Variants in LNPK observed in about 807,000 individuals in gnomAD.
LNPK encodes endoplasmic reticulum junction formation protein lunapark.
Under a neutral mutation model 55.2 loss-of-function variants are expected in LNPK, and 29 were observed. That is an observed-to-expected ratio of 0.53 (90% CI 0.39 to 0.72). The LOEUF (loss-of-function observed/expected upper bound fraction) is 0.72. LNPK is among the 30% of genes least tolerant of loss of function. The pLI is 0.00. For synonymous variants in LNPK, 162 were observed against 168.2 expected (o/e 0.96, Z 0.29); for missense variants, 467 against 494.8 (o/e 0.94, Z 0.53).
At chr2:175,953,180 T>C (rs1685504129) in intron 8 of LNPK, among the ~76,000 whole-genome samples, 1 of 152,132 alleles carries the variant, frequency 6.6e-6, no homozygotes, top group Non-Finnish European at 1.5e-5. Flanking sequence ...GATCATTCAT[T>C]CTTTTTCCTG....
At position 175,993,763 on chromosome 2, in the gene LNPK, A is replaced by C. The variant is rs1344270873; in HGVS notation, c.28-540T>G. ...AGCCGAGATCGCACCACTGCACTCC[A>C]GCCTGGGTGACAGAGCAAGACTCCA... On this transcript the variant is annotated intron_variant, in intron 2 of 12. Coordinates refer to ENST00000272748, the MANE Select transcript of LNPK (RefSeq NM_030650.3). Among the ~76,000 whole-genome samples, 8 of 152,236 alleles carry C rather than the reference A, an allele frequency of 5.3e-5. No homozygotes were observed. The South Asian group carries it at 1.5e-3, about 28-fold the overall frequency.
In LNPK at chr2:175,928,324, T is replaced by G. The variant is rs548126520; in HGVS notation, c.*1643A>C. 6.6e-6 allele frequency: 1 copy of G among 152,178 alleles called. No individual in the cohort carries two copies. Among genetic ancestry groups the G allele is most frequent in the African/African-American group, 2.4e-5 (1 of 41,560 alleles). 9.4% of individuals were successfully genotyped at this position (152,178 alleles called of 1,614,324 possible). ...GTGTGCTAGGCACATTACATTATTTTTAATTATCCTAATACCCTTCAAAAA... is the reference window on the plus strand; with the variant it reads ...GTGTGCTAGGCACATTACATTATTTGTAATTATCCTAATACCCTTCAAAAA... On this transcript the variant is annotated 3_prime_UTR_variant, in exon 13 of 13. Transcript: ENST00000272748.
chr2:175,942,465 A>T (rs937878059), intron 9 of LNPK, among the ~76,000 whole-genome samples: 1 of 152,182 alleles, frequency 6.6e-6, no homozygotes, highest in Non-Finnish European at 1.5e-5. Flanking sequence ...ACACATAAGA[A>T]GATTCACGTA....
At chr2:175,954,856 G>C (rs567274471) in intron 8 of LNPK, among the ~76,000 whole-genome samples, 1 of 152,162 alleles carries the variant, frequency 6.6e-6, no homozygotes, top group African/African-American at 2.4e-5. Flanking sequence ...ACATTGAAGG[G>C]GATTCAGAGT....
At chr2:175,935,096 T>C (rs1311473887) in intron 12 of LNPK, among the ~76,000 whole-genome samples, 1 of 152,182 alleles carries the variant, frequency 6.6e-6, no homozygotes, top group Non-Finnish European at 1.5e-5. Flanking sequence ...ATATTTCTTC[T>C]ATTAATTCTT....
chr2:175,983,664 T>A (rs561192321), intron 4 of LNPK, among the ~76,000 whole-genome samples: 71 of 152,172 alleles, frequency 4.7e-4, no homozygotes, highest in Admixed American at 9.8e-4. Context: ...AAACTAAGTA[T>A]CTTTTAAGGT....
At chr2:175,996,654 C>T (rs1345152237) in intron 1 of LNPK, among the ~76,000 whole-genome samples, 2 of 152,138 alleles carry the variant, frequency 1.3e-5, no homozygotes, top group African/African-American at 4.8e-5. Context: ...CTTCAGATTT[C>T]TAGCCTCTAT....
chr2:175,974,545 TATAA>T lies in LNPK; in HGVS notation c.317-3745_317-3742del, dbSNP rs1686813614. ...AATAAAAACTGAAATTTGAATTTCA[TATAA>T]ATTTTACATGTCAAAATATTATTCA... On this transcript the variant is annotated intron_variant, in intron 5 of 12. Transcript: ENST00000272748. 4.6e-5 allele frequency among the ~76,000 whole-genome samples: 7 copies of T among 152,334 alleles called. No individual in the cohort carries two copies. In the South Asian group the frequency reaches 1.4e-3, roughly 32 times the overall value.
chr2:175,992,226 C>T lies in LNPK; in HGVS notation c.257+5G>A, dbSNP rs745579762. The T allele has an allele frequency of 1.3e-6, 2 of 1,538,974 alleles. No individual in the cohort carries two copies. The highest frequency in any genetic ancestry group is 2.4e-5 in the Admixed American group (1 of 42,544). On this transcript the variant is annotated splice_donor_5th_base_variant and intron_variant, in intron 4 of 12. Transcript: ENST00000272748. ...AAAGATCAACAAAAAGAATAATTTACTTACATCAATGGAAAAGCAAAAAAT... is the reference window on the plus strand; with the variant it reads ...AAAGATCAACAAAAAGAATAATTTATTTACATCAATGGAAAAGCAAAAAAT...
At chr2:175,990,996 A>C (rs1342033087) in intron 4 of LNPK, among the ~76,000 whole-genome samples, 2 of 152,180 alleles carry the variant, frequency 1.3e-5, no homozygotes, top group East Asian at 3.9e-4. Flanking sequence ...AAGAACAATT[A>C]GTATATAATT....
At chr2:175,965,801 G>GA (rs35557283) in intron 6 of LNPK, among the ~76,000 whole-genome samples, 21 of 149,958 alleles carry the variant, frequency 1.4e-4, no homozygotes, top group Non-Finnish European at 2.2e-4. Flanking sequence ...TTTAGAGTTA[G>GA]AAAAAAAAAA....
intron 1 of LNPK, among the ~76,000 whole-genome samples, chr2:175,997,742 T>C (rs1223795962): frequency 2.0e-5 from 3 of 151,446 alleles, no homozygotes; most frequent in South Asian, 2.1e-4. Flanking sequence ...TGTGTATAAA[T>C]ATAATTTTTT....
intron 4 of LNPK, among the ~76,000 whole-genome samples, chr2:175,990,414 A>G (rs1371358316): frequency 6.6e-6 from 1 of 152,214 alleles, no homozygotes; most frequent in Non-Finnish European, 1.5e-5. Flanking sequence ...GGCCCTCACC[A>G]GATGCAGATG....
At chr2:175,941,838 T>TAA (rs1416965879) in intron 9 of LNPK, among the ~76,000 whole-genome samples, 7 of 80,956 alleles carry the variant, frequency 8.6e-5, no homozygotes, top group South Asian at 4.3e-4. Flanking sequence ...AGAGAAATCT[T>TAA]AAAAAAAAAA....
chr2:175,988,404 C>G (rs1687528990), intron 4 of LNPK, among the ~76,000 whole-genome samples: 1 of 149,496 alleles, frequency 6.7e-6, no homozygotes, highest in South Asian at 2.1e-4. Context: ...CCCCACTACT[C>G]AGGAAGCTGA....
At position 175,925,146 on chromosome 2, in the gene LNPK, CT is replaced by C. The variant is rs1407907799; in HGVS notation, c.*4820del. 2 of 152,090 alleles carry C rather than the reference CT, an allele frequency of 1.3e-5. No individual in the cohort carries two copies. The highest frequency in any genetic ancestry group is 2.4e-5 in the African/African-American group (1 of 41,408). The allele number at this position is 152,090 out of a possible 1,614,324, so 9.4% of individuals were successfully genotyped here. On this transcript the variant is annotated 3_prime_UTR_variant, in exon 13 of 13. Coordinates refer to ENST00000272748, the MANE Select transcript of LNPK (RefSeq NM_030650.3). ...ATCATATAATCAGAATATCTTTCCC[CT>C]GACACACGCACATCCACACCCAAAG... is the stretch of plus-strand genomic sequence containing the variant.
intron 4 of LNPK, among the ~76,000 whole-genome samples, chr2:175,991,048 C>CCTATCCAAAA (rs372298535): frequency 9.9e-5 from 15 of 152,142 alleles, no homozygotes; most frequent in African/African-American, 3.4e-4. Flanking sequence ...TAATAGCAAA[C>CCTATCCAAAA]CTAGATCATA....
At position 175,992,043 on chromosome 2, in the gene LNPK, T is replaced by G. The variant is rs775228324; in HGVS notation, c.257+188A>C. Among the ~76,000 whole-genome samples the G allele has an allele frequency of 5.4e-4, 82 of 152,138 alleles. 2 individuals are homozygous for G. The highest frequency in any genetic ancestry group is 1.0e-4 in the Non-Finnish European group (7 of 68,018). Reference sequence around the variant, plus strand: ...ATTACTAGGTAATATTCCTCAGGTATATTGGATTACAAATGAAGGTTTAGA... The same window carrying G: ...ATTACTAGGTAATATTCCTCAGGTAGATTGGATTACAAATGAAGGTTTAGA... On this transcript the variant is annotated intron_variant, in intron 4 of 12. Transcript: ENST00000272748.
chr2:175,971,562 C>G (rs1244693243), intron 5 of LNPK, among the ~76,000 whole-genome samples: 5 of 152,004 alleles, frequency 3.3e-5, no homozygotes, highest in African/African-American at 1.2e-4. Context: ...GTTCTTAATA[C>G]TTAATTAAAT....
Sources: allele counts gnomAD v4.1 joint callset (sites outside exome capture counted in the v4.1 genomes callset), GRCh38; gene constraint gnomAD v4.1.1; transcripts MANE v1.5; gene names NCBI Gene and HGNC (gene_info 2026-07-23, HGNC 2026-07-21).